GUCY1A1: variants seen among roughly 807,000 people sequenced by gnomAD.
GUCY1A1 encodes guanylate cyclase soluble subunit alpha-1.
Under a neutral mutation model 64.5 loss-of-function variants are expected in GUCY1A1, and 48 were observed. That is an observed-to-expected ratio of 0.74 (90% CI 0.59 to 0.95). The LOEUF (loss-of-function observed/expected upper bound fraction) is 0.95, where lower values mean the gene tolerates loss of function less well. GUCY1A1 is among the 40% of genes least tolerant of loss of function. The pLI, the probability that GUCY1A1 is intolerant of heterozygous loss-of-function variation, is 0.00. For missense variants in GUCY1A1, 804 were observed against 825.3 expected (o/e 0.97, Z 0.32); for synonymous variants, 308 against 303.4 (o/e 1.02, Z -0.16).
At chr4:155,677,049 C>T (rs1166105935) in intron 2 of GUCY1A1, among the ~76,000 whole-genome samples, 1 of 148,002 alleles carries the variant, frequency 6.8e-6, no homozygotes, top group Non-Finnish European at 1.5e-5. Context: ...TTACTCAAAA[C>T]GTTCCTTAAG....
chr4:155,689,531 T>C (rs867661007), intron 2 of GUCY1A1, among the ~76,000 whole-genome samples: 6 of 152,282 alleles, frequency 3.9e-5, no homozygotes, highest in Middle Eastern at 3.4e-3. Flanking sequence ...TTAAATTAGT[T>C]ATAAAACATT....
intron 7 of GUCY1A1, among the ~76,000 whole-genome samples, chr4:155,713,802 A>T (rs925812019): frequency 6.6e-6 from 1 of 152,090 alleles, no homozygotes; most frequent in African/African-American, 2.4e-5. Flanking sequence ...TTCTGGGAGG[A>T]CTGCCACACT....
intron 9 of GUCY1A1, among the ~76,000 whole-genome samples, chr4:155,724,675 A>G (rs1005905801): frequency 6.6e-6 from 1 of 151,272 alleles, no homozygotes; most frequent in Admixed American, 6.6e-5. Context: ...TTCTCTTGGT[A>G]CTCCTTCCCT....
chr4:155,717,546 G>A (rs1579105033), intron 8 of GUCY1A1, among the ~76,000 whole-genome samples: 1 of 152,124 alleles, frequency 6.6e-6, no homozygotes, highest in Non-Finnish European at 1.5e-5. Flanking sequence ...TTCAAAAAAT[G>A]TTTCCCATAG....
At chr4:155,725,261 T>C (rs371348300) in intron 9 of GUCY1A1, among the ~76,000 whole-genome samples, 2 of 152,232 alleles carry the variant, frequency 1.3e-5, no homozygotes, top group South Asian at 2.1e-4. Context: ...AAGTATTTAC[T>C]GGTTAACTGT....
intron 3 of GUCY1A1, among the ~76,000 whole-genome samples, chr4:155,698,067 T>G (rs1038777901): frequency 6.6e-6 from 1 of 152,230 alleles, no homozygotes; most frequent in African/African-American, 2.4e-5. Context: ...TGGCTGATTT[T>G]CAGAACTGAA....
At chr4:155,729,854 T>C (rs1003999477) in intron 9 of GUCY1A1, among the ~76,000 whole-genome samples, 176 bp from the exon 10 acceptor site, 2 of 151,888 alleles carry the variant, frequency 1.3e-5, no homozygotes, top group Admixed American at 1.3e-4. Context: ...TTGTTGTGAA[T>C]TGATTCTTCA....
Position 155,702,429 on chromosome 4 carries a change from G to A in GUCY1A1, c.256-1503G>A, listed in dbSNP as rs78855334. Among the ~76,000 whole-genome samples the A allele has an allele frequency of 5.6e-3, 853 of 152,210 alleles. 3 individuals carry two copies. The highest frequency in any genetic ancestry group is 0.02 in the African/African-American group (810 of 41,522). ...CCCTGGCTGATTTACTTCATGTATA[G>A]TGTCACTAATTTAATGTTACCTTCC... On this transcript the variant is annotated intron_variant, in intron 3 of 9. Transcript: ENST00000506455.
In GUCY1A1 at chr4:155,731,141, A is replaced by T. The variant is rs1158935898; in HGVS notation, c.*910A>T. On this transcript the variant is annotated 3_prime_UTR_variant, in exon 10 of 10. Coordinates refer to ENST00000506455, the MANE Select transcript of GUCY1A1 (RefSeq NM_001130682.3). ...GGACCCACCATAAAGGACATTGGTA[A>T]AACATTTACACACGTAAACACACGT... 6.6e-6 allele frequency: 1 copy of T among 152,460 alleles called. No individual in the cohort carries two copies. Among genetic ancestry groups the T allele is most frequent in the Non-Finnish European group, 1.5e-5 (1 of 67,874 alleles). The allele number at this position is 152,460 out of a possible 1,614,324, so 9.4% of individuals were successfully genotyped here.
intron 2 of GUCY1A1, among the ~76,000 whole-genome samples, chr4:155,671,495 A>C (rs1734137463): frequency 6.6e-6 from 1 of 152,108 alleles, no homozygotes; most frequent in African/African-American, 2.4e-5. Flanking sequence ...ATGTCATATC[A>C]AATTCTCCAT....
At chr4:155,695,359 A>C (rs1405999403) in intron 2 of GUCY1A1, among the ~76,000 whole-genome samples, 1 of 152,100 alleles carries the variant, frequency 6.6e-6, no homozygotes, top group Non-Finnish European at 1.5e-5. Flanking sequence ...AAAAAAAAAA[A>C]CCTAATTGAA....
chr4:155,717,735 A>G lies in GUCY1A1; in HGVS notation c.1716+433A>G, dbSNP rs116504804. On this transcript the variant is annotated intron_variant, in intron 8 of 9. Transcript: ENST00000506455. ...ACCACATCTACTATAATAATCAGCA[A>G]GATGGCAATCCTGCATCATGACTTA... 1.7e-3 allele frequency among the ~76,000 whole-genome samples: 257 copies of G among 152,268 alleles called. 1 individual carries two copies. The highest frequency in any genetic ancestry group is 5.8e-3 in the African/African-American group (239 of 41,562).
intron 2 of GUCY1A1, among the ~76,000 whole-genome samples, chr4:155,693,909 A>G (rs1730085167): frequency 6.6e-6 from 1 of 152,190 alleles, no homozygotes; most frequent in Non-Finnish European, 1.5e-5. Context: ...TGAGAGAGTT[A>G]AGTTTAATGG....
At chr4:155,668,002 A>T (rs1346171427) in intron 2 of GUCY1A1, 2 of 152,308 alleles carry the variant, frequency 1.3e-5, no homozygotes, top group African/African-American at 4.8e-5. Flanking sequence ...CAGCCGGCTA[A>T]CTGCCCAGCG....
rs1579129674 is a variant in GUCY1A1 at position 155,726,762 on chromosome 4, A to G, written c.1872-3268A>G. Among the ~76,000 whole-genome samples the G allele has an allele frequency of 2.0e-5, 3 of 152,038 alleles. No individual in the cohort carries two copies. The South Asian group carries it at 6.2e-4, about 32-fold the overall frequency. On this transcript the variant is annotated intron_variant, in intron 9 of 9. Coordinates refer to ENST00000506455, the MANE Select transcript of GUCY1A1 (RefSeq NM_001130682.3). ...TTGTCAGGAGTTTTACTTTAATTTT[A>G]GGGGATAATATTCGACATTTTGTTT...
At position 155,731,807 on chromosome 4, in the gene GUCY1A1, AT is replaced by A. The variant is rs1735579682; in HGVS notation, c.*1578del. The A allele has an allele frequency of 6.6e-6, 1 of 151,806 alleles. No individual in the cohort carries two copies. The highest frequency in any genetic ancestry group is 2.4e-5 in the African/African-American group (1 of 41,400). 9.4% of individuals were successfully genotyped at this position (151,806 alleles called of 1,614,324 possible). On this transcript the variant is annotated 3_prime_UTR_variant, in exon 10 of 10. Transcript: ENST00000506455. The stretch of plus-strand genomic sequence containing the variant: ...GCTAGCCCATGGTGACATCAGGGAT[AT>A]TCATTACTGATTGGCCTCTAGTATT...
Position 155,730,239 on chromosome 4 carries a change from T to G in GUCY1A1, c.*8T>G, listed in dbSNP as rs1214761869. On this transcript the variant is annotated 3_prime_UTR_variant, in exon 10 of 10. Coordinates refer to ENST00000506455, the MANE Select transcript of GUCY1A1 (RefSeq NM_001130682.3). ...GCATCAGGAATAGATTAGCAACCTA[T>G]ATACCTATTTATAAGTCTTTGGGGT... is the stretch of plus-strand genomic sequence containing the variant. The G allele has an allele frequency of 6.5e-7, 1 of 1,541,442 alleles. No homozygotes were observed. Among genetic ancestry groups the G allele is most frequent in the Admixed American group, 1.7e-5 (1 of 59,634 alleles).
At chr4:155,690,431 T>C (rs1729582869) in intron 2 of GUCY1A1, among the ~76,000 whole-genome samples, 1 of 152,210 alleles carries the variant, frequency 6.6e-6, no homozygotes, top group African/African-American at 2.4e-5. Flanking sequence ...CAAATAATCT[T>C]CTAAAAATGC....
chr4:155,704,798 C>G (rs1731520196), intron 4 of GUCY1A1, among the ~76,000 whole-genome samples: 3 of 152,108 alleles, frequency 2.0e-5, no homozygotes, highest in Admixed American at 2.0e-4. Context: ...CTCACTGCTG[C>G]CCAGAACTCC....
Sources: allele counts gnomAD v4.1 joint callset (sites outside exome capture counted in the v4.1 genomes callset), GRCh38; gene constraint gnomAD v4.1.1; transcripts MANE v1.5; gene names NCBI Gene and HGNC (gene_info 2026-07-23, HGNC 2026-07-21).